The following BLNK variants were observed in gnomAD, a reference collection of about 807,000 sequenced individuals.
BLNK encodes B-cell linker protein.
A neutral mutation model predicts 73.5 loss-of-function variants in BLNK; 29 were observed. The observed-to-expected ratio is 0.39, with a 90% CI of 0.29 to 0.54. BLNK has a LOEUF of 0.54. Ranked by LOEUF, BLNK falls within the 20% of genes least tolerant of loss-of-function variation. The probability of loss-of-function intolerance (pLI) is 0.61; values close to 1 mark genes in which losing one functional copy is unlikely to be tolerated. For synonymous variants in BLNK, 176 were observed against 200.8 expected, an observed-to-expected ratio of 0.88 and a Z score of 1.04; for missense variants, 460 against 562.8, an observed-to-expected ratio of 0.82 and a Z score of 1.85.
In BLNK at chr10:96,255,121, A is replaced by T. The variant is rs533563497; in HGVS notation, c.48-8072T>A. Reference sequence around the variant, plus strand: ...CTGGCCAAGAGAGCACAAGGAGAGGAATCCATAGTGAGAATCCACAGAAGG... The same window carrying T: ...CTGGCCAAGAGAGCACAAGGAGAGGTATCCATAGTGAGAATCCACAGAAGG... On this transcript the variant is annotated intron_variant, in intron 1 of 16. Coordinates refer to ENST00000224337, the MANE Select transcript of BLNK (RefSeq NM_013314.4). 9.2e-4 allele frequency among the ~76,000 whole-genome samples: 140 copies of T among 152,272 alleles called. 1 individual carries two copies. The highest frequency in any genetic ancestry group is 3.2e-3 in the African/African-American group (132 of 41,552).
At chr10:96,250,324 T>C (rs1843227393) in intron 1 of BLNK, among the ~76,000 whole-genome samples, 1 of 151,652 alleles carries the variant, frequency 6.6e-6, no homozygotes, top group Non-Finnish European at 1.5e-5. Flanking sequence ...TGAGGAACTA[T>C]AGAGAATCTT....
chr10:96,196,484 C>T (rs2083469562), intron 16 of BLNK, among the ~76,000 whole-genome samples: 1 of 152,200 alleles, frequency 6.6e-6, no homozygotes, highest in African/African-American at 2.4e-5. Context: ...AATGTTTTAA[C>T]TCAAGTTTCT....
chr10:96,242,274 T>G (rs1591348663), intron 3 of BLNK, among the ~76,000 whole-genome samples: 1 of 152,192 alleles, frequency 6.6e-6, no homozygotes, highest in African/African-American at 2.4e-5. Context: ...AGACATGCCT[T>G]TTGCCTTCCA....
At chr10:96,252,134 C>T (rs1157555945) in intron 1 of BLNK, among the ~76,000 whole-genome samples, 1 of 152,170 alleles carries the variant, frequency 6.6e-6, no homozygotes, top group Non-Finnish European at 1.5e-5. Context: ...TCACTGCAAC[C>T]TCTGCCTCCC....
In BLNK at chr10:96,243,427, G is replaced by A. The variant is rs782530638; in HGVS notation, c.114-643C>T. Among the ~76,000 whole-genome samples the A allele has an allele frequency of 3.4e-4, 51 of 152,206 alleles. 3 individuals are homozygous for A. Among genetic ancestry groups the A allele is most frequent in the African/African-American group, 1.1e-3 (45 of 41,534 alleles). The stretch of plus-strand genomic sequence containing the variant: ...CCAGCCATGGTGGCATGCACCTGTG[G>A]TCCCAGCTACTTGAGGGGCTAAGGT... On this transcript the variant is annotated intron_variant, in intron 2 of 16. Transcript: ENST00000224337.
At chr10:96,215,139 A>C (rs2084034508) in intron 8 of BLNK, among the ~76,000 whole-genome samples, 182 bp downstream of exon 8, 1 of 152,340 alleles carries the variant, frequency 6.6e-6, no homozygotes, top group East Asian at 1.9e-4. Flanking sequence ...GCAGATGCCA[A>C]AAGGCCTGGG....
chr10:96,201,160 C>A, intron 13 of BLNK, 102 bp from the exon 14 acceptor site: 21 of 1,059,104 alleles, frequency 2.0e-5, no homozygotes, highest in Middle Eastern at 4.2e-4. Flanking sequence ...GGGACACATC[C>A]ACCAAAAAAA....
At chr10:96,241,848 A>AG (rs1460279322) in intron 3 of BLNK, among the ~76,000 whole-genome samples, 1 of 151,654 alleles carries the variant, frequency 6.6e-6, no homozygotes, top group East Asian at 1.9e-4. Context: ...CAGCCTCCTG[A>AG]GTAGCTGGGA....
intron 3 of BLNK, among the ~76,000 whole-genome samples, chr10:96,234,129 C>A (rs1362596935): frequency 6.6e-6 from 1 of 152,234 alleles, no homozygotes; most frequent in Non-Finnish European, 1.5e-5. Context: ...GTGTTGGCTC[C>A]TGCAGCTGAA....
At chr10:96,206,140 G>A (rs2083800017) in intron 11 of BLNK, among the ~76,000 whole-genome samples, 2 of 152,164 alleles carry the variant, frequency 1.3e-5, no homozygotes, top group Non-Finnish European at 2.9e-5. Context: ...TGTAGTGCAT[G>A]CTCAGAAAAG....
At chr10:96,222,791 G>A (rs988006059) in intron 6 of BLNK, among the ~76,000 whole-genome samples, 1 of 152,000 alleles carries the variant, frequency 6.6e-6, no homozygotes, top group Admixed American at 6.5e-5. Flanking sequence ...GGGAAGTGGA[G>A]GAGCAGAGAG....
At chr10:96,243,749 A>G (rs1274589470) in intron 2 of BLNK, among the ~76,000 whole-genome samples, 1 of 152,196 alleles carries the variant, frequency 6.6e-6, no homozygotes, top group African/African-American at 2.4e-5. Flanking sequence ...TTGAAATTAC[A>G]TTTTAGAAAA....
chr10:96,239,937 G>A (rs1312237200), intron 3 of BLNK, among the ~76,000 whole-genome samples: 1 of 152,102 alleles, frequency 6.6e-6, no homozygotes, highest in East Asian at 1.9e-4. Context: ...CTGAACTCCT[G>A]GAATCTGTGT....
rs1368051562 is a variant in BLNK, at chr10:96,190,782, T to C, written c.*1191A>G. Among the ~76,000 whole-genome samples, 3 of 152,198 alleles carry C rather than the reference T, an allele frequency of 2.0e-5. No homozygotes were observed. The highest frequency in any genetic ancestry group is 4.4e-5 in the Non-Finnish European group (3 of 68,024). ...GAAATATATGACAAAGTATGATACA[T>C]TTCTGGGATGATCTAAGACCTTGGA... is the stretch of plus-strand genomic sequence containing the variant. On this transcript the variant is annotated 3_prime_UTR_variant, in exon 17 of 17. Transcript: ENST00000224337.
intron 1 of BLNK, among the ~76,000 whole-genome samples, chr10:96,268,301 T>C (rs1844107211): frequency 6.6e-6 from 1 of 152,222 alleles, no homozygotes; most frequent in South Asian, 2.1e-4. Flanking sequence ...GGATTGTAAA[T>C]TTTGAAATGT....
At chr10:96,202,930 A>G (rs1330343519) in intron 13 of BLNK, among the ~76,000 whole-genome samples, 4 of 152,132 alleles carry the variant, frequency 2.6e-5, no homozygotes, top group Admixed American at 2.6e-4. Context: ...TTCTCAGACC[A>G]TCCTGTCTAC....
chr10:96,218,273 G>GT lies in BLNK; in HGVS notation c.526-1540dup, dbSNP rs200318030. On this transcript the variant is annotated intron_variant, in intron 6 of 16. Coordinates refer to ENST00000224337, the MANE Select transcript of BLNK (RefSeq NM_013314.4). ...AGGTGTTCTTCTAAGTACTTTACAT[G>GT]TTTTTTTTCTCATTTAATCCTCTAA... Among the ~76,000 whole-genome samples the GT allele has an allele frequency of 6.6e-3, 999 of 152,128 alleles. 8 individuals are homozygous for GT. The highest frequency in any genetic ancestry group is 0.029 in the South Asian group (140 of 4,818).
intron 1 of BLNK, among the ~76,000 whole-genome samples, chr10:96,250,903 T>A (rs899992797): frequency 4.6e-5 from 7 of 152,360 alleles, no homozygotes; most frequent in Non-Finnish European, 8.8e-5. Context: ...AGTTGATGCA[T>A]AATAGCAGTA....
chr10:96,212,550 G>C (rs1055916020), intron 8 of BLNK, among the ~76,000 whole-genome samples: 2 of 152,168 alleles, frequency 1.3e-5, no homozygotes, highest in Non-Finnish European at 2.9e-5. Flanking sequence ...TCTGGCTTTG[G>C]AGTCGGCTAA....
Sources: gnomAD v4.1 joint callset for allele counts (sites outside exome capture counted in the v4.1 genomes callset) on GRCh38, gnomAD v4.1.1 for gene constraint, MANE v1.5 for transcripts, NCBI Gene and HGNC (gene_info 2026-07-23, HGNC 2026-07-21) for gene names.